EGFR: variants seen among roughly 807,000 people sequenced by gnomAD.
EGFR encodes the protein avian erythroblastic leukemia viral (v-erb-b) oncogene homolog.
EGFR carries 58 observed loss-of-function variants against 143.0 expected under a neutral mutation model. That is an observed-to-expected ratio of 0.41 (90% CI 0.33 to 0.50). The LOEUF (loss-of-function observed/expected upper bound fraction) is 0.50, where lower values mean the gene tolerates loss of function less well. EGFR is among the 20% of genes least tolerant of loss of function. The pLI, the probability that EGFR is intolerant of heterozygous loss-of-function variation, is 0.39. For synonymous variants in EGFR, 613 were observed against 594.4 expected (o/e 1.03, Z -0.45); for missense variants, 1,307 against 1,579.0 (o/e 0.83, Z 2.92).
intron 1 of EGFR, among the ~76,000 whole-genome samples, chr7:55,037,956 C>A (rs1184465475): frequency 2.0e-5 from 3 of 152,294 alleles, no homozygotes; most frequent in South Asian, 4.1e-4. Context: ...CCAGCATTTC[C>A]AGTTAGTCGG....
Position 55,069,046 on chromosome 7 carries a change from T to G in EGFR, c.88+49681T>G, listed in dbSNP as rs527434661. On this transcript the variant is annotated intron_variant, in intron 1 of 27. Coordinates refer to ENST00000275493, the MANE Select transcript of EGFR (RefSeq NM_005228.5). The stretch of plus-strand genomic sequence containing the variant: ...TTTCTTCAGAGAAAAGTCATGATAC[T>G]CAAGTCTTCTTACAAAGCAGTTTGA... Among the ~76,000 whole-genome samples the G allele has an allele frequency of 2.6e-4, 39 of 152,332 alleles. 1 individual carries two copies. Among genetic ancestry groups the G allele is most frequent in the African/African-American group, 7.5e-4 (31 of 41,566 alleles).
chr7:55,043,852 A>G (rs1788040368), intron 1 of EGFR: 1 of 152,180 alleles, frequency 6.6e-6, no homozygotes, highest in Admixed American at 6.5e-5. Context: ...CTTTGCCTGG[A>G]CTTTCTAAGT....
At chr7:55,077,390 T>C (rs950721471) in intron 1 of EGFR, among the ~76,000 whole-genome samples, 5 of 152,212 alleles carry the variant, frequency 3.3e-5, no homozygotes, top group Admixed American at 3.3e-4. Context: ...GTGAATAAAA[T>C]TCAGCGCAAT....
chr7:55,097,844 T>C (rs1253657660), intron 1 of EGFR, among the ~76,000 whole-genome samples: 1 of 152,202 alleles, frequency 6.6e-6, no homozygotes, highest in Non-Finnish European at 1.5e-5. Flanking sequence ...AACTGGGCTT[T>C]ATTGATGTCA....
intron 1 of EGFR, among the ~76,000 whole-genome samples, chr7:55,090,015 C>T (rs1221365918): frequency 2.0e-5 from 3 of 151,878 alleles, no homozygotes; most frequent in African/African-American, 7.3e-5. Flanking sequence ...GTTGCCCAGG[C>T]TGGAGTTCAG....
At chr7:55,074,693 C>T (rs967227752) in intron 1 of EGFR, among the ~76,000 whole-genome samples, 2 of 152,174 alleles carry the variant, frequency 1.3e-5, no homozygotes, top group Non-Finnish European at 1.5e-5. Context: ...TAAACTACCA[C>T]TGTAAATAGA....
At chr7:55,022,135 T>G (rs1353383968) in intron 1 of EGFR, among the ~76,000 whole-genome samples, 1 of 152,174 alleles carries the variant, frequency 6.6e-6, no homozygotes, top group East Asian at 1.9e-4. Context: ...TGGGTCACCT[T>G]CCATAGAGGC....
At chr7:55,195,307 G>A (rs775699619) in intron 22 of EGFR, among the ~76,000 whole-genome samples, 4 of 152,152 alleles carry the variant, frequency 2.6e-5, no homozygotes, top group African/African-American at 7.2e-5. Flanking sequence ...AGGTGGTTCC[G>A]TTTGGGAATG....
intron 1 of EGFR, among the ~76,000 whole-genome samples, chr7:55,131,755 G>A (rs144315447): frequency 2.0e-5 from 3 of 152,288 alleles, no homozygotes; most frequent in East Asian, 1.9e-4. Context: ...GCCCTGGGGT[G>A]TCCAGCATGC....
At position 55,154,145 on chromosome 7, in the gene EGFR, G is replaced by A. The variant is rs1344245726; in HGVS notation, c.882G>A (p.Lys294=). ...KYSFGATCVK[K]CPRNYVVTDH... ...GCTTTGGTGCCACCTGCGTGAAGAA[G>A]TGTCCCCGTGAGTCCTCCTCTGTGG... Residue 294 remains lysine (K), a synonymous_variant, in exon 7 of 28, where the codon AAG becomes AAA. Transcript: ENST00000275493. 1.2e-6 allele frequency: 2 copies of A among 1,614,150 alleles called. No individual in the cohort carries two copies. The highest frequency in any genetic ancestry group is 1.7e-6 in the Non-Finnish European group (2 of 1,180,060).
At chr7:55,165,144 T>C in intron 14 of EGFR, 136 bp from the exon 15 acceptor site, 1 of 1,281,602 alleles carries the variant, frequency 7.8e-7, no homozygotes, top group Middle Eastern at 1.9e-4. Flanking sequence ...AATAACTGGT[T>C]TTCTCCTTTA....
intron 1 of EGFR, among the ~76,000 whole-genome samples, chr7:55,139,646 T>C (rs1213056449): frequency 6.6e-6 from 1 of 152,218 alleles, no homozygotes; most frequent in African/African-American, 2.4e-5. Context: ...TCAACTGCCT[T>C]CTTATTCTCA....
intron 1 of EGFR, among the ~76,000 whole-genome samples, chr7:55,049,221 G>A (rs914267683): frequency 2.2e-4 from 34 of 152,062 alleles, no homozygotes; most frequent in African/African-American, 7.5e-4. Context: ...TAGGAATAAC[G>A]ACCACTGGTA....
rs529355260 is a variant in EGFR, at chr7:55,161,602, A to G, written c.1602A>G (p.Glu534=). The G allele has an allele frequency of 1.2e-6, 2 of 1,614,276 alleles. No homozygotes were observed. Among genetic ancestry groups the G allele is most frequent in the Admixed American group, 3.3e-5 (2 of 60,038 alleles). Reference sequence around the variant, plus strand: ...GCCGGAATGTCAGCCGAGGCAGGGAATGCGTGGACAAGTGCAACCTTCTGG... The same window carrying G: ...GCCGGAATGTCAGCCGAGGCAGGGAGTGCGTGGACAAGTGCAACCTTCTGG... ...VSCRNVSRGR[E]CVDKCNLLEG... Residue 534 remains glutamate, a synonymous_variant, in exon 13 of 28, where the codon GAA becomes GAG. Coordinates refer to ENST00000275493, the MANE Select transcript of EGFR (RefSeq NM_005228.5).
chr7:55,198,695 T>G (rs767633888), intron 22 of EGFR, 22 bp from the exon 23 acceptor site: 1 of 1,614,192 alleles, frequency 6.2e-7, no homozygotes, highest in Non-Finnish European at 8.5e-7. Context: ...CACTGCCTTC[T>G]TTTCTTGCTT....
chr7:55,174,160 C>G (rs2128954028), intron 18 of EGFR, 117 bp downstream of exon 18: 2 of 1,431,006 alleles, frequency 1.4e-6, no homozygotes, highest in Non-Finnish European at 1.9e-6. Flanking sequence ...CTTTGTTTCA[C>G]TGAGTGTTTG....
intron 1 of EGFR, among the ~76,000 whole-genome samples, chr7:55,116,645 A>G (rs1183449165): frequency 6.6e-6 from 1 of 152,146 alleles, no homozygotes. Context: ...CCATACCAGC[A>G]CCCTAGAAGC....
chr7:55,171,353 AG>A, intron 16 of EGFR, 140 bp downstream of exon 16: 1 of 1,254,782 alleles, frequency 8.0e-7, no homozygotes, highest in Non-Finnish European at 1.1e-6. Flanking sequence ...ACCCTCAGCC[AG>A]GGTTTCTGCA....
intron 19 of EGFR, 63 bp downstream of exon 19, chr7:55,174,883 T>C: frequency 7.6e-7 from 1 of 1,316,166 alleles, no homozygotes; most frequent in South Asian, 1.2e-5. Flanking sequence ...CCTTTTCTCA[T>C]GTCTGGCAGC....
Sources: allele counts gnomAD v4.1 joint callset (sites outside exome capture counted in the v4.1 genomes callset), GRCh38; gene constraint gnomAD v4.1.1; transcripts MANE v1.5; gene names NCBI Gene and HGNC (gene_info 2026-07-23, HGNC 2026-07-21).